The following VCL variants were observed in gnomAD, a reference collection of about 807,000 sequenced individuals.
VCL encodes the protein epididymis luminal protein 114.
Under a neutral mutation model 125.7 loss-of-function variants are expected in VCL, and 47 were observed. That is an observed-to-expected ratio of 0.37 (90% CI 0.30 to 0.48). The LOEUF (loss-of-function observed/expected upper bound fraction) is 0.48. Among genes scored for constraint, VCL ranks in the 20% least tolerant of loss-of-function variants. The probability of loss-of-function intolerance (pLI) is 0.99; values close to 1 mark genes in which losing one functional copy is unlikely to be tolerated. For missense variants in VCL, 1,069 were observed against 1,455.5 expected, an observed-to-expected ratio of 0.73 and a Z score of 4.32; for synonymous variants, 458 against 514.6, an observed-to-expected ratio of 0.89 and a Z score of 1.49.
At chr10:74,025,799 T>C (rs1029671839) in intron 1 of VCL, among the ~76,000 whole-genome samples, 1 of 152,100 alleles carries the variant, frequency 6.6e-6, no homozygotes, top group South Asian at 2.1e-4. Context: ...GCAATGTCAC[T>C]TATCTTGGGT....
chr10:74,013,381 G>C (rs192527534), intron 1 of VCL, among the ~76,000 whole-genome samples: 1 of 152,126 alleles, frequency 6.6e-6, no homozygotes, highest in East Asian at 1.9e-4. Context: ...CCCAGCACAG[G>C]ATTATACAGA....
chr10:74,056,320 G>A (rs536226019), intron 2 of VCL, among the ~76,000 whole-genome samples: 17 of 151,826 alleles, frequency 1.1e-4, no homozygotes, highest in Admixed American at 3.3e-4. Flanking sequence ...TTAAAATTCA[G>A]TTTTCCCCTT....
chr10:74,104,525 C>T (rs1015720394), intron 15 of VCL, among the ~76,000 whole-genome samples: 3 of 152,106 alleles, frequency 2.0e-5, no homozygotes, highest in African/African-American at 7.2e-5. Flanking sequence ...GCAGAACCTG[C>T]TGTGACTGGG....
chr10:74,038,154 C>T (rs1841021821), intron 1 of VCL, among the ~76,000 whole-genome samples: 1 of 151,972 alleles, frequency 6.6e-6, no homozygotes, highest in Non-Finnish European at 1.5e-5. Context: ...CCTGCCACAC[C>T]CCTGGCTAAT....
chr10:74,108,149 C>T (rs191461558), intron 17 of VCL, among the ~76,000 whole-genome samples: 292 of 152,306 alleles, frequency 1.9e-3, no homozygotes, highest in African/African-American at 6.8e-3. Context: ...CAGCCTTCAA[C>T]GCATCTTAGA....
At chr10:74,049,230 A>G (rs1841253335) in intron 2 of VCL, among the ~76,000 whole-genome samples, 3 of 152,164 alleles carry the variant, frequency 2.0e-5, no homozygotes, top group Non-Finnish European at 2.9e-5. Context: ...TTGAAGTATA[A>G]TATGCTTGTT....
intron 2 of VCL, among the ~76,000 whole-genome samples, chr10:74,064,129 C>T (rs576614245): frequency 1.4e-4 from 22 of 152,222 alleles, no homozygotes; most frequent in South Asian, 6.2e-4. Context: ...TTTGTTAATT[C>T]GCTAGAATGG....
chr10:74,107,238 A>G lies in VCL; in HGVS notation c.2443A>G (p.Lys815Glu), dbSNP rs960017518. The G allele has an allele frequency of 3.1e-6, 5 of 1,614,068 alleles. No homozygotes were observed. In the African/African-American group the frequency reaches 6.7e-5, roughly 22 times the overall value. The change falls in exon 17 of 22, where the codon AAG becomes GAG. Residue 815 changes from lysine (K) to glutamate (E), a missense_variant. By Grantham distance (56) the Lys-to-Glu change is moderately conservative. This residue lies in a region of VCL where 760 missense variants were observed against 928.9 expected (regional missense o/e 0.82). Coordinates refer to ENST00000211998, the MANE Select transcript of VCL (RefSeq NM_014000.3). ...GGATGTCTTGTGTTTAGGACTGCAAAAGAGCTTCCTGGACTCAGGATATCG... is the reference window on the plus strand; with the variant it reads ...GGATGTCTTGTGTTTAGGACTGCAAGAGAGCTTCCTGGACTCAGGATATCG... Reference protein sequence around the residue: ...AGNISDPGLQKSFLDSGYRIL... With the variant: ...AGNISDPGLQESFLDSGYRIL...
intron 2 of VCL, among the ~76,000 whole-genome samples, chr10:74,054,073 G>C (rs943604854): frequency 1.4e-4 from 22 of 151,946 alleles, no homozygotes; most frequent in African/African-American, 4.8e-4. Context: ...CTCAGTTCTA[G>C]TGAGTTTTTA....
At chr10:74,000,332 T>C (rs181243028) in intron 1 of VCL, among the ~76,000 whole-genome samples, 186 of 146,822 alleles carry the variant, frequency 1.3e-3, no homozygotes, top group African/African-American at 4.5e-3. Flanking sequence ...GGCGTGATCA[T>C]AGCTCACTGC....
At chr10:74,060,268 G>T (rs1282759641) in intron 2 of VCL, among the ~76,000 whole-genome samples, 1 of 152,130 alleles carries the variant, frequency 6.6e-6, no homozygotes, top group Non-Finnish European at 1.5e-5. Context: ...TGGTACCACT[G>T]CACTCCACCC....
intron 8 of VCL, among the ~76,000 whole-genome samples, chr10:74,087,456 CT>C (rs1191124905): frequency 6.7e-6 from 1 of 148,628 alleles, no homozygotes; most frequent in Non-Finnish European, 1.5e-5. Flanking sequence ...CACCATTCTC[CT>C]GCCTCAGCCT....
rs1841664569 is a variant in VCL, at chr10:74,071,546, T to C, written c.499+463T>C. On this transcript the variant is annotated intron_variant, in intron 4 of 21. Transcript: ENST00000211998. This position sits in a 1 kb window ranked among gnomAD's most constrained non-coding sequence, Gnocchi z 4.1. ...AATCAGACCTAGGAGAGAAGAGCTA[T>C]TGTGGTTAAATCTTATTTTGAAATG... Among the ~76,000 whole-genome samples the C allele has an allele frequency of 6.6e-6, 1 of 152,162 alleles. No homozygotes were observed. Among genetic ancestry groups the C allele is most frequent in the Non-Finnish European group, 1.5e-5 (1 of 68,026 alleles).
intron 1 of VCL, among the ~76,000 whole-genome samples, chr10:74,000,288 G>A (rs1312659042): frequency 2.0e-5 from 3 of 148,262 alleles, no homozygotes; most frequent in South Asian, 2.1e-4. Context: ...TTGAGACAGG[G>A]TCTCGCTCTG....
chr10:74,053,810 T>A lies in VCL; in HGVS notation c.239+10657T>A, dbSNP rs377341774. Among the ~76,000 whole-genome samples, 17 of 152,112 alleles carry A rather than the reference T, an allele frequency of 1.1e-4. No homozygotes were observed. The East Asian group carries it at 2.7e-3, about 24-fold the overall frequency. ...ATTTTTAGTAGAGACAGGGTTTCAC[T>A]ATGTTGGTAAGACTGGTCTCGAACT... On this transcript the variant is annotated intron_variant, in intron 2 of 21. Transcript: ENST00000211998.
At position 74,112,728 on chromosome 10, in the gene VCL, C is replaced by T. The variant is rs117195084; in HGVS notation, c.2949+616C>T. Among the ~76,000 whole-genome samples, 1,183 of 152,146 alleles carry T rather than the reference C, an allele frequency of 7.8e-3. 12 individuals carry two copies. The highest frequency in any genetic ancestry group is 0.013 in the Non-Finnish European group (910 of 68,002). On this transcript the variant is annotated intron_variant, in intron 19 of 21. Coordinates refer to ENST00000211998, the MANE Select transcript of VCL (RefSeq NM_014000.3). Reference sequence around the variant, plus strand: ...GGAGTACTCAAGGCCACAAGACAGGCCGCCATAGAACTTTGGCCTTGGGGA... The same window carrying T: ...GGAGTACTCAAGGCCACAAGACAGGTCGCCATAGAACTTTGGCCTTGGGGA...
intron 2 of VCL, among the ~76,000 whole-genome samples, chr10:74,044,874 A>G (rs1306279352): frequency 6.6e-6 from 1 of 152,108 alleles, no homozygotes; most frequent in African/African-American, 2.4e-5. Flanking sequence ...TATGAGTTTC[A>G]TTTCAATTGA....
chr10:74,069,860 C>A lies in VCL; in HGVS notation c.240-810C>A, dbSNP rs111631767. On this transcript the variant is annotated intron_variant, in intron 2 of 21. Coordinates refer to ENST00000211998, the MANE Select transcript of VCL (RefSeq NM_014000.3). ...TTTTGGGTTCCTCTTTTAAATGAAT[C>A]CCCCGCCCAGCTCCCCTTCCACCAC... Among the ~76,000 whole-genome samples the A allele has an allele frequency of 2.0e-5, 3 of 152,108 alleles. No individual in the cohort carries two copies. The East Asian group carries it at 5.8e-4, about 29-fold the overall frequency.
At chr10:74,049,508 A>T (rs1415229598) in intron 2 of VCL, among the ~76,000 whole-genome samples, 1 of 152,186 alleles carries the variant, frequency 6.6e-6, no homozygotes, top group Non-Finnish European at 1.5e-5. Flanking sequence ...TATAAGTAGG[A>T]ATAGTAGAAA....
Sources: allele counts gnomAD v4.1 joint callset (sites outside exome capture counted in the v4.1 genomes callset), GRCh38; gene constraint gnomAD v4.1.1; regional missense constraint gnomAD v4.1.1; non-coding constraint Gnocchi (gnomAD v3.1); transcripts MANE v1.5; gene names NCBI Gene and HGNC (gene_info 2026-07-23, HGNC 2026-07-21).